VAC14: variants seen among roughly 807,000 people sequenced by gnomAD.
The protein encoded by VAC14 is VAC14 component of PIKFYVE complex, also known as protein VAC14 homolog.
VAC14 carries 47 observed loss-of-function variants against 85.3 expected under a neutral mutation model. The ratio of observed to expected loss-of-function variants is 0.55; its 90% CI spans 0.44 to 0.70. The LOEUF is 0.70. Among genes scored for constraint, VAC14 ranks in the 30% least tolerant of loss-of-function variants. The pLI is 0.00. For synonymous variants in VAC14, 447 were observed against 430.5 expected (o/e 1.04, Z -0.47); for missense variants, 861 against 1,004.3 (o/e 0.86, Z 1.93).
intron 14 of VAC14, among the ~76,000 whole-genome samples, chr16:70,727,366 G>C (rs929263144): frequency 5.3e-5 from 8 of 152,004 alleles, no homozygotes; most frequent in Non-Finnish European, 1.0e-4. Flanking sequence ...TTGAGACGAA[G>C]TCTTGCTCTG....
At chr16:70,690,626 G>A in intron 18 of VAC14, 1 of 985,462 alleles carries the variant, frequency 1.0e-6, no homozygotes, top group Non-Finnish European at 1.2e-6. Flanking sequence ...GGCGAGGAGT[G>A]TACAAAACTC....
At chr16:70,747,482 G>A (rs184149042) in intron 12 of VAC14, 8 of 144,304 alleles carry the variant, frequency 5.5e-5, no homozygotes, top group Non-Finnish European at 1.2e-4. Context: ...GAATTTTATG[G>A]TATGTGAATT....
At chr16:70,725,829 G>C (rs2054411002) in intron 14 of VAC14, among the ~76,000 whole-genome samples, 1 of 152,202 alleles carries the variant, frequency 6.6e-6, no homozygotes, top group Non-Finnish European at 1.5e-5. Context: ...CTCCTGGGAG[G>C]TGGCTCGGAC....
At chr16:70,731,303 G>A in intron 14 of VAC14, 192 bp downstream of exon 14, 1 of 1,428,514 alleles carries the variant, frequency 7.0e-7, no homozygotes, top group Non-Finnish European at 9.1e-7. Flanking sequence ...ACACTGACCT[G>A]TCTGTTTCAT....
In VAC14 at chr16:70,698,950, G is replaced by C. The variant is rs74634210; in HGVS notation, c.1662-139C>G. 4.0e-3 allele frequency: 2,515 copies of C among 623,964 alleles called. 22 individuals are homozygous for C. Among genetic ancestry groups the C allele is most frequent in the Middle Eastern group, 0.015 (30 of 1,960 alleles). The allele number at this position is 623,964 out of a possible 1,614,324, so 38.7% of individuals were successfully genotyped here. A position where few individuals can be genotyped will look rare whatever the true frequency, so the allele number is the denominator to read the frequency against. ...GAGGCCAGTGTGGAGCCATGACTCT[G>C]AGGCCTGTGGTTGTGGGAGGGCGGG... On this transcript the variant is annotated intron_variant, in intron 14 of 18. Transcript: ENST00000261776.
At position 70,796,667 on chromosome 16, in the gene VAC14, G is replaced by T. The variant is rs143990402; in HGVS notation, c.104+4130C>A. On this transcript the variant is annotated intron_variant, in intron 1 of 18. Coordinates refer to ENST00000261776, the MANE Select transcript of VAC14 (RefSeq NM_018052.5). ...GCGATGCAAAATAAATGAGATGAGG[G>T]GTATACCATGGCCAAACCAAAGGAA... Among the ~76,000 whole-genome samples, 240 of 151,954 alleles carry T rather than the reference G, an allele frequency of 1.6e-3. 1 individual carries two copies. Among genetic ancestry groups the T allele is most frequent in the African/African-American group, 5.4e-3 (223 of 41,414 alleles).
chr16:70,692,786 G>T lies in VAC14; in HGVS notation c.2186+35C>A, dbSNP rs11642700. 7 of 1,580,308 alleles carry T rather than the reference G, an allele frequency of 4.4e-6. No homozygotes were observed. In the African/African-American group the frequency reaches 6.7e-5, roughly 15 times the overall value. On this transcript the variant is annotated intron_variant, in intron 18 of 18. Coordinates refer to ENST00000261776, the MANE Select transcript of VAC14 (RefSeq NM_018052.5). Reference sequence around the variant, plus strand: ...GCTCCTCTGGGCCTGTCCCTGCTCAGGGGGCGGGGGCAGCAGTCCCCAGCC... The same window carrying T: ...GCTCCTCTGGGCCTGTCCCTGCTCATGGGGCGGGGGCAGCAGTCCCCAGCC...
In VAC14 at chr16:70,800,885, C is replaced by T; in HGVS notation, c.16G>A (p.Asp6Asn). 6.2e-7 allele frequency: 1 copy of T among 1,601,054 alleles called. No homozygotes were observed. The highest frequency in any genetic ancestry group is 1.7e-4 in the Middle Eastern group (1 of 5,956). The change falls in exon 1 of 19, where the codon GAT becomes AAT. Residue 6 changes from aspartate to asparagine, a missense_variant. By Grantham distance (23) the Asp-to-Asn change is conservative. Around this residue, in one of 3 missense-constraint regions of VAC14, gnomAD observed 629 missense variants for 703.1 expected, o/e 0.89. Coordinates refer to ENST00000261776, the MANE Select transcript of VAC14 (RefSeq NM_018052.5). Reference protein sequence around the residue: MNPEKDFAPLTPNIVR... With the variant: MNPEKNFAPLTPNIVR... Reference sequence around the variant, plus strand: ...ATGTTAGGCGTGAGCGGCGCGAAATCCTTCTCGGGGTTCATGGTGGCAGCT... The same window carrying T: ...ATGTTAGGCGTGAGCGGCGCGAAATTCTTCTCGGGGTTCATGGTGGCAGCT...
chr16:70,693,691 C>T (rs201841717), intron 17 of VAC14, among the ~76,000 whole-genome samples: 21 of 152,330 alleles, frequency 1.4e-4, no homozygotes, highest in African/African-American at 2.4e-4. Flanking sequence ...TTCCCCAAGG[C>T]GCACAGGGGA....
intron 12 of VAC14, 166 bp from the exon 13 acceptor site, chr16:70,744,745 A>G (rs892554510): frequency 1.4e-6 from 1 of 726,198 alleles, no homozygotes; most frequent in Non-Finnish European, 2.1e-6. Flanking sequence ...GCATGCTCAG[A>G]AAAGTGAAAC....
chr16:70,787,312 T>C (rs1055874523), intron 1 of VAC14, among the ~76,000 whole-genome samples: 1 of 152,038 alleles, frequency 6.6e-6, no homozygotes, highest in Non-Finnish European at 1.5e-5. Flanking sequence ...TTTCTAGAAT[T>C]AAATGGAAAA....
chr16:70,744,644 G>C (rs1429994963), intron 12 of VAC14, 65 bp from the exon 13 acceptor site: 1 of 1,502,800 alleles, frequency 6.7e-7, no homozygotes, highest in African/African-American at 1.4e-5. Context: ...CCTGGGCAGA[G>C]GTGCGGTTGG....
chr16:70,786,027 G>A (rs2034039543), intron 2 of VAC14, 158 bp from the exon 3 acceptor site: 2 of 1,327,936 alleles, frequency 1.5e-6, no homozygotes, highest in Non-Finnish European at 2.0e-6. Flanking sequence ...TCCCAGGAGA[G>A]GGCCCATGCC....
At chr16:70,698,400 C>T (rs906742631) in intron 15 of VAC14, among the ~76,000 whole-genome samples, 1 of 152,150 alleles carries the variant, frequency 6.6e-6, no homozygotes, top group African/African-American at 2.4e-5. Context: ...TCAGGGTGGA[C>T]ACGTGGACCC....
At chr16:70,784,939 GC>G in intron 3 of VAC14, 101 bp from the exon 4 acceptor site, 1 of 994,792 alleles carries the variant, frequency 1.0e-6, no homozygotes, top group Non-Finnish European at 1.6e-6. Context: ...CCTTGGTGCA[GC>G]CCAGAACATC....
chr16:70,774,054 C>T lies in VAC14; in HGVS notation c.1097-1882G>A, dbSNP rs186722815. ...CCTCCCAAAGTGCTGGGATTACAGG[C>T]GTGAGCCACCATGCCCGGCTCCATA... On this transcript the variant is annotated intron_variant, in intron 9 of 18. Coordinates refer to ENST00000261776, the MANE Select transcript of VAC14 (RefSeq NM_018052.5). Among the ~76,000 whole-genome samples, 826 of 152,088 alleles carry T rather than the reference C, an allele frequency of 5.4e-3. 3 individuals are homozygous for T. Among genetic ancestry groups the T allele is most frequent in the Non-Finnish European group, 9.9e-3 (673 of 67,994 alleles).
At chr16:70,792,666 A>C (rs1379666888) in intron 1 of VAC14, among the ~76,000 whole-genome samples, 1 of 152,190 alleles carries the variant, frequency 6.6e-6, no homozygotes, top group Admixed American at 6.5e-5. Flanking sequence ...ACTACCTGAC[A>C]GGAGAAGCAG....
At position 70,692,864 on chromosome 16, in the gene VAC14, G is replaced by A; in HGVS notation, c.2143C>T (p.His715Tyr). Residue 715 changes from histidine (H) to tyrosine (Y), a missense_variant, in exon 18 of 19, where the codon CAC becomes TAC. This residue lies in a region of VAC14 where 163 missense variants were observed against 162.2 expected (regional missense o/e 1.00). Transcript: ENST00000261776. ...PQSSAFQLLS[H>Y]RLQCVPNPEL... ...GGGTTGGGCACGCACTGGAGCCGGTGCGAGAGCAGCTGGAAGGCGCTGCTC... is the reference window on the plus strand; with the variant it reads ...GGGTTGGGCACGCACTGGAGCCGGTACGAGAGCAGCTGGAAGGCGCTGCTC... 1 of 1,605,150 alleles carries A rather than the reference G, an allele frequency of 6.2e-7. No homozygotes were observed. The highest frequency in any genetic ancestry group is 1.1e-5 in the South Asian group (1 of 88,902).
At chr16:70,740,925 T>C (rs1597916026) in intron 13 of VAC14, among the ~76,000 whole-genome samples, 1 of 152,228 alleles carries the variant, frequency 6.6e-6, no homozygotes, top group Admixed American at 6.5e-5. Flanking sequence ...ACCATGGCTG[T>C]GGTGCATTAG....
Sources: gnomAD v4.1 joint callset for allele counts (sites outside exome capture counted in the v4.1 genomes callset) on GRCh38, gnomAD v4.1.1 for gene constraint, gnomAD v4.1.1 regional missense constraint, MANE v1.5 for transcripts, NCBI Gene and HGNC (gene_info 2026-07-23, HGNC 2026-07-21) for gene names.